The following LGSN variants were observed in gnomAD, a reference collection of about 807,000 sequenced individuals.
LGSN encodes lengsin, lens protein with glutamine synthetase domain, also known as lengsin.
In LGSN, 21 loss-of-function variants were observed where a neutral mutation model predicts 19.5. The ratio of observed to expected loss-of-function variants is 1.07; its 90% CI spans 0.76 to 1.55. The LOEUF (loss-of-function observed/expected upper bound fraction) is 1.55, where lower values mean the gene tolerates loss of function less well. Ranked by LOEUF, LGSN falls within the 40% of genes most tolerant of loss-of-function variation. The pLI, the probability that LGSN is intolerant of heterozygous loss-of-function variation, is 0.00. For missense variants in LGSN, 673 were observed against 608.5 expected (o/e 1.11, Z -1.12); for synonymous variants, 257 against 215.6 (o/e 1.19, Z -1.68).
chr6:63,452,187 T>G, the LGSN span, among the ~76,000 whole-genome samples: 393 of 152,244 alleles, frequency 2.6e-3, 3 homozygotes, highest in African/African-American at 9.0e-3. Flanking sequence ...ATCAAATGTT[T>G]GGTAGGTTTC....
At chr6:63,343,604 A>C in the LGSN span, among the ~76,000 whole-genome samples, 1 of 152,156 alleles carries the variant, frequency 6.6e-6, no homozygotes, top group African/African-American at 2.4e-5. Flanking sequence ...CTTCCTAGGA[A>C]AGGGAATGCT....
At chr6:63,281,326 TATATAATA>T (rs1562003797) in intron 3 of LGSN, 106 bp from the exon 4 acceptor site, 1 of 168,870 alleles carries the variant, frequency 5.9e-6, no homozygotes, top group African/African-American at 2.5e-5. Flanking sequence ...TATATATATA[TATATAATA>T]AATATATATA....
At chr6:63,400,712 G>A in the LGSN span, among the ~76,000 whole-genome samples, 1 of 152,102 alleles carries the variant, frequency 6.6e-6, no homozygotes. Context: ...CATAAATTTC[G>A]GCCGGGCGTG....
chr6:63,527,675 G>A, the LGSN span: 4 of 152,142 alleles, frequency 2.6e-5, no homozygotes, highest in African/African-American at 9.7e-5. Flanking sequence ...CCATGTCCAA[G>A]GTCACGTAAT....
the LGSN span, among the ~76,000 whole-genome samples, chr6:63,442,560 C>G: frequency 2.3e-4 from 35 of 152,248 alleles, no homozygotes; most frequent in African/African-American, 7.5e-4. Flanking sequence ...ACTAGATTAG[C>G]TAGACACAGA....
At chr6:63,465,360 T>G in the LGSN span, among the ~76,000 whole-genome samples, 1 of 152,094 alleles carries the variant, frequency 6.6e-6, no homozygotes, top group Non-Finnish European at 1.5e-5. Flanking sequence ...CTTTGTATTT[T>G]TAGTAGAGAT....
chr6:63,501,626 A>AT, the LGSN span, among the ~76,000 whole-genome samples: 3 of 151,906 alleles, frequency 2.0e-5, no homozygotes, highest in Admixed American at 1.3e-4. Flanking sequence ...TAATTGTTGG[A>AT]TTTTTTCCAT....
At chr6:63,497,456 G>A in the LGSN span, among the ~76,000 whole-genome samples, 1 of 152,124 alleles carries the variant, frequency 6.6e-6, no homozygotes, top group Non-Finnish European at 1.5e-5. Context: ...GGCTGAGTGA[G>A]GCAGGAGAAT....
At chr6:63,363,968 C>CA in the LGSN span, among the ~76,000 whole-genome samples, 1 of 145,842 alleles carries the variant, frequency 6.9e-6, no homozygotes, top group African/African-American at 2.8e-5. Context: ...CCAGCCACTG[C>CA]AAAAACATGC....
chr6:63,348,953 G>T, the LGSN span, among the ~76,000 whole-genome samples: 1 of 152,050 alleles, frequency 6.6e-6, no homozygotes, highest in Non-Finnish European at 1.5e-5. Context: ...TTAATGCAAA[G>T]TTCTTTGGAA....
the LGSN span, among the ~76,000 whole-genome samples, chr6:63,414,799 C>T: frequency 6.6e-6 from 1 of 152,048 alleles, no homozygotes; most frequent in Non-Finnish European, 1.5e-5. Context: ...CCTGTAGTCC[C>T]AGCTACTCAG....
the LGSN span, among the ~76,000 whole-genome samples, chr6:63,487,945 A>T: frequency 6.6e-6 from 1 of 151,850 alleles, no homozygotes; most frequent in Non-Finnish European, 1.5e-5. Context: ...ACGCCACTGC[A>T]TTCCAGCCCG....
chr6:63,469,156 A>G, the LGSN span, among the ~76,000 whole-genome samples: 1 of 152,222 alleles, frequency 6.6e-6, no homozygotes, highest in African/African-American at 2.4e-5. Flanking sequence ...TTGCCCCAAT[A>G]GTACTTTTAA....
the LGSN span, among the ~76,000 whole-genome samples, chr6:63,565,226 G>GT: frequency 6.6e-6 from 1 of 151,912 alleles, no homozygotes. Flanking sequence ...TGCCCAGGCG[G>GT]TATCTGTCAC....
At chr6:63,509,855 G>A in the LGSN span, among the ~76,000 whole-genome samples, 2 of 152,204 alleles carry the variant, frequency 1.3e-5, no homozygotes, top group Non-Finnish European at 2.9e-5. Context: ...CTGGGATGGG[G>A]CCAGGTTTAG....
At chr6:63,402,578 T>A in the LGSN span, among the ~76,000 whole-genome samples, 3 of 152,186 alleles carry the variant, frequency 2.0e-5, no homozygotes, top group Non-Finnish European at 4.4e-5. Context: ...TTGGAGTAGA[T>A]CCTGCCTGGT....
At chr6:63,418,819 G>C in the LGSN span, among the ~76,000 whole-genome samples, 1 of 152,242 alleles carries the variant, frequency 6.6e-6, no homozygotes, top group South Asian at 2.1e-4. Flanking sequence ...AGCCTAGCAG[G>C]GCAGAAACCT....
intron 2 of LGSN, among the ~76,000 whole-genome samples, chr6:63,290,845 T>C (rs1025845629): frequency 6.6e-6 from 1 of 152,238 alleles, no homozygotes; most frequent in Non-Finnish European, 1.5e-5. Context: ...CCATAGTCTG[T>C]TGCTCTCTGC....
At chr6:63,573,091 C>T in the LGSN span, 1 of 176,382 alleles carries the variant, frequency 5.7e-6, no homozygotes, top group Non-Finnish European at 1.2e-5. Flanking sequence ...TGACCGCCGC[C>T]TCCGCCCTTG....
Sources: allele counts gnomAD v4.1 joint callset (sites outside exome capture counted in the v4.1 genomes callset), GRCh38; gene constraint gnomAD v4.1.1; transcripts MANE v1.5; gene names NCBI Gene and HGNC (gene_info 2026-07-23, HGNC 2026-07-21).